The following ROBO1 variants were observed in gnomAD, a reference collection of about 807,000 sequenced individuals.
ROBO1 encodes roundabout guidance receptor 1.
ROBO1 carries 149 observed loss-of-function variants against 195.9 expected under a neutral mutation model. That is an observed-to-expected ratio of 0.76 (90% confidence interval 0.67 to 0.87). The LOEUF is 0.87. ROBO1 is among the 40% of genes least tolerant of loss of function. The pLI is 0.00. For synonymous variants in ROBO1, 816 were observed against 733.2 expected, an observed-to-expected ratio of 1.11 and a Z score of -1.82; for missense variants, 1,933 against 2,068.3, an observed-to-expected ratio of 0.93 and a Z score of 1.27.
Position 79,674,324 on chromosome 3 carries a change from TG to T in ROBO1, c.-50-84364del, listed in dbSNP as rs1293821483. Among the ~76,000 whole-genome samples, 4 of 151,998 alleles carry T rather than the reference TG, an allele frequency of 2.6e-5. No homozygotes were observed. The East Asian group carries it at 7.7e-4, about 29-fold the overall frequency. On this transcript the variant is annotated intron_variant, in intron 1 of 30. Transcript: ENST00000464233. ...CTGAAGAACACGTGGCTGTTCTCAA[TG>T]CATGTCAATGCATGTAAATAATTAA...
chr3:79,102,824 T>G (rs1377323759), intron 3 of ROBO1, among the ~76,000 whole-genome samples: 1 of 151,958 alleles, frequency 6.6e-6, no homozygotes, highest in East Asian at 1.9e-4. Flanking sequence ...AAGTGTTTCA[T>G]TATTTATGAT....
At chr3:78,759,628 T>G (rs112069844) in intron 4 of ROBO1, among the ~76,000 whole-genome samples, 13 of 152,336 alleles carry the variant, frequency 8.5e-5, no homozygotes, top group South Asian at 8.3e-4. Context: ...TCTCAGAACT[T>G]CTATTTCCAT....
At chr3:78,788,524 G>C (rs2083921307) in intron 4 of ROBO1, among the ~76,000 whole-genome samples, 1 of 137,188 alleles carries the variant, frequency 7.3e-6, no homozygotes, top group East Asian at 2.2e-4. Flanking sequence ...TCTGATATAA[G>C]AATTTAGCTC....
chr3:78,878,691 A>G (rs1005167497), intron 4 of ROBO1, among the ~76,000 whole-genome samples: 52 of 151,952 alleles, frequency 3.4e-4, no homozygotes, highest in African/African-American at 1.2e-3. Flanking sequence ...CTCAATCATA[A>G]AAAAGTTAAC....
At position 78,637,769 on chromosome 3, in the gene ROBO1, G is replaced by A. The variant is rs559794801; in HGVS notation, c.3038-1661C>T. ...GACAGAGACTTGGTCACATGGATAC[G>A]TCACATCCACGTCCAGTGGACACTC... On this transcript the variant is annotated intron_variant, in intron 22 of 30. Transcript: ENST00000464233. 5.4e-4 allele frequency among the ~76,000 whole-genome samples: 82 copies of A among 152,206 alleles called. 1 individual carries two copies. Among genetic ancestry groups the A allele is most frequent in the Admixed American group, 1.7e-3 (26 of 15,280 alleles).
chr3:78,658,647 G>C (rs1409528378), intron 17 of ROBO1, among the ~76,000 whole-genome samples: 1 of 152,166 alleles, frequency 6.6e-6, no homozygotes, highest in African/African-American at 2.4e-5. Context: ...GTAGACAATT[G>C]TCTAAACTCT....
chr3:79,599,703 A>G (rs891945390), intron 1 of ROBO1, among the ~76,000 whole-genome samples: 1 of 151,988 alleles, frequency 6.6e-6, no homozygotes, highest in Non-Finnish European at 1.5e-5. Context: ...TACTAACATA[A>G]AGGCAAATGT....
chr3:79,763,458 T>C (rs945357500), intron 1 of ROBO1, among the ~76,000 whole-genome samples: 1 of 152,030 alleles, frequency 6.6e-6, no homozygotes, highest in Non-Finnish European at 1.5e-5. Flanking sequence ...GTTGGAATAA[T>C]AAGAAAAATT....
intron 10 of ROBO1, among the ~76,000 whole-genome samples, chr3:78,671,588 T>C (rs1309615932): frequency 3.3e-5 from 5 of 150,622 alleles, no homozygotes; most frequent in Non-Finnish European, 5.9e-5. Context: ...GTTTTGTGCA[T>C]GCAAACTAAA....
At chr3:78,975,665 A>G (rs1429233120) in intron 3 of ROBO1, among the ~76,000 whole-genome samples, 2 of 152,214 alleles carry the variant, frequency 1.3e-5, no homozygotes, top group African/African-American at 2.4e-5. Context: ...TTTCAAAGCT[A>G]AAGTTTTTAG....
chr3:79,700,820 T>A, intron 1 of ROBO1, among the ~76,000 whole-genome samples: 1 of 151,858 alleles, frequency 6.6e-6, no homozygotes, highest in Non-Finnish European at 1.5e-5. Context: ...TTCTGTGGGT[T>A]GTCCGTTAAT....
chr3:79,605,189 A>G (rs563917328), intron 1 of ROBO1, among the ~76,000 whole-genome samples: 3 of 148,192 alleles, frequency 2.0e-5, no homozygotes, highest in African/African-American at 7.5e-5. Flanking sequence ...TTTCTCATAT[A>G]CTCCTTGTTT....
intron 2 of ROBO1, among the ~76,000 whole-genome samples, chr3:79,188,185 G>A (rs887107448): frequency 2.6e-5 from 4 of 151,832 alleles, no homozygotes; most frequent in African/African-American, 7.2e-5. Context: ...GTTTGGCTTC[G>A]TAGAGACATT....
At chr3:79,440,538 C>T (rs1331411373) in intron 2 of ROBO1, among the ~76,000 whole-genome samples, 1 of 152,126 alleles carries the variant, frequency 6.6e-6, no homozygotes, top group African/African-American at 2.4e-5. Context: ...TAGCTGTCCC[C>T]TGCAAGAACC....
intron 1 of ROBO1, among the ~76,000 whole-genome samples, chr3:79,659,908 C>T (rs1259066539): frequency 6.6e-6 from 1 of 152,034 alleles, no homozygotes; most frequent in Non-Finnish European, 1.5e-5. Context: ...AACAGGGCTG[C>T]TGCCAAAGAC....
At chr3:78,757,994 G>A (rs530250440) in intron 4 of ROBO1, among the ~76,000 whole-genome samples, 3 of 152,268 alleles carry the variant, frequency 2.0e-5, no homozygotes, top group East Asian at 1.9e-4. Context: ...ACAAGCATGC[G>A]ATTGTGTAGC....
chr3:79,512,206 A>G (rs1219482651), intron 2 of ROBO1, among the ~76,000 whole-genome samples: 1 of 152,188 alleles, frequency 6.6e-6, no homozygotes, highest in Non-Finnish European at 1.5e-5. Context: ...TATTAAAAAG[A>G]GATAACTCGA....
intron 3 of ROBO1, among the ~76,000 whole-genome samples, chr3:79,073,662 A>C (rs759287082): frequency 5.9e-5 from 9 of 152,016 alleles, no homozygotes; most frequent in Middle Eastern, 6.8e-3. Context: ...ACCACTTTGC[A>C]GAGAGCTCAA....
At chr3:79,234,426 T>C (rs1274412313) in intron 2 of ROBO1, among the ~76,000 whole-genome samples, 2 of 152,074 alleles carry the variant, frequency 1.3e-5, no homozygotes, top group Non-Finnish European at 2.9e-5. Context: ...CTCCGCACCA[T>C]TTATTAAATA....
Sources: gnomAD v4.1 joint callset for allele counts (sites outside exome capture counted in the v4.1 genomes callset) on GRCh38, gnomAD v4.1.1 for gene constraint, MANE v1.5 for transcripts, NCBI Gene and HGNC (gene_info 2026-07-23, HGNC 2026-07-21) for gene names.